XRCC4: variants seen among roughly 807,000 people sequenced by gnomAD.
XRCC4 encodes the protein X-ray repair cross complementing 4.
Under a neutral mutation model 39.1 loss-of-function variants are expected in XRCC4, and 28 were observed. The ratio of observed to expected loss-of-function variants is 0.72; its 90% CI spans 0.53 to 0.98. XRCC4 has a LOEUF of 0.98. Ranked by LOEUF, XRCC4 falls within the 50% of genes least tolerant of loss-of-function variation. XRCC4 has a pLI of 0.00. For synonymous variants in XRCC4, 123 were observed against 126.4 expected, an observed-to-expected ratio of 0.97 and a Z score of 0.18; for missense variants, 350 against 376.4, an observed-to-expected ratio of 0.93 and a Z score of 0.58.
intron 3 of XRCC4, among the ~76,000 whole-genome samples, chr5:83,125,940 G>A (rs1747238470): frequency 7.0e-6 from 1 of 142,612 alleles, no homozygotes; most frequent in African/African-American, 2.6e-5. Flanking sequence ...CTGAGATTGT[G>A]CCATTGCACT....
At chr5:83,268,850 A>G (rs190547103) in intron 7 of XRCC4, among the ~76,000 whole-genome samples, 75 of 152,340 alleles carry the variant, frequency 4.9e-4, no homozygotes, top group Admixed American at 1.1e-3. Flanking sequence ...GAATTGAACA[A>G]ATCAATTTAG....
chr5:83,285,837 G>A (rs146266058), intron 7 of XRCC4, among the ~76,000 whole-genome samples: 5 of 152,186 alleles, frequency 3.3e-5, no homozygotes, highest in South Asian at 2.1e-4. Flanking sequence ...TCAGCGGGGC[G>A]GAGGCATGGT....
chr5:83,112,032 T>G (rs1055717299), intron 3 of XRCC4, among the ~76,000 whole-genome samples: 3 of 152,212 alleles, frequency 2.0e-5, no homozygotes, highest in Admixed American at 2.0e-4. Context: ...TTAAAGAGAT[T>G]TCATTAATTA....
At chr5:83,175,535 G>A (rs536649307) in intron 3 of XRCC4, among the ~76,000 whole-genome samples, 30 of 152,244 alleles carry the variant, frequency 2.0e-4, no homozygotes, top group Middle Eastern at 3.4e-3. Flanking sequence ...ACTGGATGCC[G>A]TGGCTCACAC....
At chr5:83,125,239 A>G (rs1747202566) in intron 3 of XRCC4, among the ~76,000 whole-genome samples, 1 of 152,076 alleles carries the variant, frequency 6.6e-6, no homozygotes. Context: ...TGGTCTGATC[A>G]TTTTATTAAC....
Position 83,211,003 on chromosome 5 carries a change from G to A in XRCC4, c.745+6082G>A, listed in dbSNP as rs574690809. Among the ~76,000 whole-genome samples, 4 of 152,252 alleles carry A rather than the reference G, an allele frequency of 2.6e-5. No individual in the cohort carries two copies. The South Asian group carries it at 8.3e-4, about 32-fold the overall frequency. Reference sequence around the variant, plus strand: ...GGGGGGAGACAAAAATTATTTTAATGTTATTTGTCTCTGACTATGGATGAG... The same window carrying A: ...GGGGGGAGACAAAAATTATTTTAATATTATTTGTCTCTGACTATGGATGAG... On this transcript the variant is annotated intron_variant, in intron 6 of 7. Coordinates refer to ENST00000396027, the MANE Select transcript of XRCC4 (RefSeq NM_003401.5).
chr5:83,277,671 A>G (rs1319038706), intron 7 of XRCC4, among the ~76,000 whole-genome samples: 2 of 152,250 alleles, frequency 1.3e-5, no homozygotes, highest in Non-Finnish European at 1.5e-5. Flanking sequence ...TATCATTACC[A>G]TGAAGTGAAT....
chr5:83,081,028 A>C (rs959308647), intron 1 of XRCC4, among the ~76,000 whole-genome samples: 2 of 152,210 alleles, frequency 1.3e-5, no homozygotes, highest in African/African-American at 4.8e-5. Flanking sequence ...AGTTAAGATA[A>C]AAAAGGAATT....
At chr5:83,218,943 A>G (rs1751976120) in intron 6 of XRCC4, among the ~76,000 whole-genome samples, 2 of 136,698 alleles carry the variant, frequency 1.5e-5, no homozygotes, top group African/African-American at 7.4e-5. Flanking sequence ...GTAACAAAGT[A>G]CATAACTGAG....
intron 3 of XRCC4, among the ~76,000 whole-genome samples, chr5:83,134,776 T>C (rs1561352811): frequency 6.6e-6 from 1 of 152,150 alleles, no homozygotes; most frequent in Non-Finnish European, 1.5e-5. Context: ...TCGCTCTGCC[T>C]TTATGAGCTG....
intron 7 of XRCC4, among the ~76,000 whole-genome samples, chr5:83,323,679 G>A (rs770575857): frequency 6.6e-6 from 1 of 151,876 alleles, no homozygotes; most frequent in Non-Finnish European, 1.5e-5. Context: ...TCTCTTGTGA[G>A]AGTTGAACAG....
the XRCC4 span, among the ~76,000 whole-genome samples, chr5:83,363,979 T>G: frequency 6.6e-6 from 1 of 152,184 alleles, no homozygotes; most frequent in Non-Finnish European, 1.5e-5. Flanking sequence ...GCTTCAGCAT[T>G]TTGTACAAAG....
intron 7 of XRCC4, among the ~76,000 whole-genome samples, chr5:83,313,086 T>C (rs1426945768): frequency 6.6e-6 from 1 of 150,648 alleles, no homozygotes; most frequent in Admixed American, 6.6e-5. Context: ...TCTTTCTTTT[T>C]TTTTTTTTTA....
chr5:83,240,867 A>G (rs1349844344), intron 6 of XRCC4, among the ~76,000 whole-genome samples: 2 of 152,194 alleles, frequency 1.3e-5, no homozygotes, highest in African/African-American at 4.8e-5. Flanking sequence ...CAAGTATGTA[A>G]AAACCAGTGA....
At chr5:83,133,358 T>G (rs1235623031) in intron 3 of XRCC4, among the ~76,000 whole-genome samples, 1 of 152,172 alleles carries the variant, frequency 6.6e-6, no homozygotes, top group Non-Finnish European at 1.5e-5. Flanking sequence ...GAGGAGGCAG[T>G]CTGTCCATTC....
intron 6 of XRCC4, among the ~76,000 whole-genome samples, chr5:83,251,665 G>A (rs955239110): frequency 1.3e-5 from 2 of 151,958 alleles, no homozygotes; most frequent in African/African-American, 4.8e-5. Flanking sequence ...AGCCCACTCT[G>A]CCTCTGACAT....
chr5:83,373,353 T>C, the XRCC4 span, among the ~76,000 whole-genome samples: 1 of 152,138 alleles, frequency 6.6e-6, no homozygotes, highest in Non-Finnish European at 1.5e-5. Context: ...CATAAGAGAA[T>C]AAATAAATTG....
At chr5:83,152,650 A>G (rs894484302) in intron 3 of XRCC4, among the ~76,000 whole-genome samples, 3 of 151,150 alleles carry the variant, frequency 2.0e-5, no homozygotes, top group Non-Finnish European at 4.4e-5. Flanking sequence ...AAAAAAAAAA[A>G]AAAGAAATAG....
At chr5:83,079,473 A>G (rs1401107543) in intron 1 of XRCC4, among the ~76,000 whole-genome samples, 4 of 152,124 alleles carry the variant, frequency 2.6e-5, no homozygotes, top group Non-Finnish European at 5.9e-5. Context: ...ACCATCTTGG[A>G]TCCTTTCCTT....
Sources: allele counts gnomAD v4.1 joint callset (sites outside exome capture counted in the v4.1 genomes callset), GRCh38; gene constraint gnomAD v4.1.1; transcripts MANE v1.5; gene names NCBI Gene and HGNC (gene_info 2026-07-23, HGNC 2026-07-21).